PPFIBP2: variants seen among roughly 807,000 people sequenced by gnomAD.
The protein encoded by PPFIBP2 is PPFIB scaffold protein 2.
Under a neutral mutation model 118.3 loss-of-function variants are expected in PPFIBP2, and 118 were observed. The observed-to-expected ratio is 1.00, with a 90% confidence interval of 0.86 to 1.16. The LOEUF is 1.16. Ranked by LOEUF, PPFIBP2 falls within the 50% of genes most tolerant of loss-of-function variation. The pLI is 0.00. For synonymous variants in PPFIBP2, 414 were observed against 397.4 expected, an observed-to-expected ratio of 1.04 and a Z score of -0.50; for missense variants, 1,195 against 1,073.1, an observed-to-expected ratio of 1.11 and a Z score of -1.59.
rs748630301 is a variant in PPFIBP2 at position 7,610,319 on chromosome 11, C to A, written c.515C>A (p.Thr172Asn). ...QELLSRTSLE[T>N]QKLDLMTEVS... ...CTGCTAAGCCGCACATCTCTTGAGA[C>A]CCAGAAGCTCGATCTGATGACTGAA... The change falls in exon 6 of 24, where the codon ACC (threonine) becomes AAC (asparagine). Residue 172 changes from threonine to asparagine, a missense_variant. By Grantham distance (65) the Thr-to-Asn change is moderately conservative. Coordinates refer to ENST00000299492, the MANE Select transcript of PPFIBP2 (RefSeq NM_003621.5). 13 of 1,614,124 alleles carry A rather than the reference C, an allele frequency of 8.1e-6. No individual in the cohort carries two copies. Among genetic ancestry groups the A allele is most frequent in the Non-Finnish European group, 1.1e-5 (13 of 1,179,954 alleles).
At chr11:7,531,142 T>A (rs1410410026) in intron 1 of PPFIBP2, among the ~76,000 whole-genome samples, 2 of 152,130 alleles carry the variant, frequency 1.3e-5, no homozygotes, top group African/African-American at 2.4e-5. Context: ...GCAGGAACAC[T>A]TGTGCAAGTG....
intron 1 of PPFIBP2, among the ~76,000 whole-genome samples, chr11:7,515,227 G>A (rs1849130738): frequency 6.6e-6 from 1 of 152,094 alleles, no homozygotes. Flanking sequence ...TGGGAGATGG[G>A]GATGATTGAT....
intron 6 of PPFIBP2, among the ~76,000 whole-genome samples, chr11:7,615,284 C>T (rs539465199): frequency 3.3e-5 from 5 of 149,720 alleles, no homozygotes; most frequent in South Asian, 4.2e-4. Flanking sequence ...TGCAGTGAGC[C>T]GAGATCGTGC....
chr11:7,550,944 G>T (rs1852907109), intron 2 of PPFIBP2, among the ~76,000 whole-genome samples: 1 of 152,108 alleles, frequency 6.6e-6, no homozygotes, highest in African/African-American at 2.4e-5. Context: ...GACTCAGACT[G>T]GCTTCCCTGC....
At chr11:7,664,110 C>T in the PPFIBP2 span, among the ~76,000 whole-genome samples, 46,114 of 152,150 alleles carry the variant, frequency 0.3, 8,447 homozygotes, top group Non-Finnish European at 0.41. Context: ...CCGTCTTCTG[C>T]GTCGCTCACG....
intron 6 of PPFIBP2, among the ~76,000 whole-genome samples, chr11:7,617,463 C>T (rs1158535567): frequency 1.3e-5 from 2 of 152,126 alleles, no homozygotes; most frequent in Non-Finnish European, 2.9e-5. Flanking sequence ...GTGAGGTGAG[C>T]TCAGTGACCC....
At chr11:7,577,614 C>G in intron 3 of PPFIBP2, 1 of 456,414 alleles carries the variant, frequency 2.2e-6, no homozygotes, top group Non-Finnish European at 4.4e-6. Flanking sequence ...TTGATGTTTA[C>G]AAGCATTTCT....
At chr11:7,643,328 A>C (rs181089775) in intron 17 of PPFIBP2, among the ~76,000 whole-genome samples, 13 of 152,322 alleles carry the variant, frequency 8.5e-5, no homozygotes, top group African/African-American at 3.1e-4. Context: ...TGACTCTAGA[A>C]GGGGAATCAT....
chr11:7,525,478 A>G (rs1223175360), intron 1 of PPFIBP2, among the ~76,000 whole-genome samples: 2 of 152,208 alleles, frequency 1.3e-5, no homozygotes, highest in African/African-American at 4.8e-5. Flanking sequence ...TCAGGTGGGA[A>G]GTTGCATGCT....
chr11:7,586,696 AGAGAAGGTGGTCCCTTGGG>A (rs1858266868), intron 3 of PPFIBP2, among the ~76,000 whole-genome samples: 1 of 152,208 alleles, frequency 6.6e-6, no homozygotes. Flanking sequence ...CTCTTTCTGC[AGAGAAGGTGGTCCCTTGGG>A]GAGGAGGATG....
the PPFIBP2 span, chr11:7,665,207 C>G: frequency 5.4e-6 from 3 of 554,760 alleles, no homozygotes; most frequent in Non-Finnish European, 9.2e-6. Context: ...GTCTCCAGCC[C>G]CTTGAGCCCT....
chr11:7,623,213 C>A (rs1849566512), intron 7 of PPFIBP2, among the ~76,000 whole-genome samples: 1 of 151,974 alleles, frequency 6.6e-6, no homozygotes, highest in Non-Finnish European at 1.5e-5. Flanking sequence ...CTGCTTCAGG[C>A]CTCTCAGTCT....
intron 3 of PPFIBP2, 123 bp downstream of exon 3, chr11:7,565,890 A>G: frequency 9.2e-7 from 1 of 1,081,638 alleles, no homozygotes; most frequent in Middle Eastern, 3.1e-4. Context: ...CTTCCATCCC[A>G]CTTTGGCCAA....
At chr11:7,651,055 G>GA (rs1427070719) in intron 22 of PPFIBP2, 90 bp downstream of exon 22, 109 of 1,345,206 alleles carry the variant, frequency 8.1e-5, no homozygotes, top group East Asian at 1.4e-4. Context: ...AAAAGCTAAC[G>GA]AAAAAAAATA....
At position 7,597,551 on chromosome 11, in the gene PPFIBP2, C is replaced by A. The variant is rs1250297366; in HGVS notation, c.373-9C>A. On this transcript the variant is annotated splice_polypyrimidine_tract_variant and intron_variant, in intron 4 of 23. Transcript: ENST00000299492. Reference sequence around the variant, plus strand: ...TGGTCCTCCACCATTGCTTTATTTCCTGGAACAGGTGAGTGTCCTCACAGA... The same window carrying A: ...TGGTCCTCCACCATTGCTTTATTTCATGGAACAGGTGAGTGTCCTCACAGA... 1 of 1,611,502 alleles carries A rather than the reference C, an allele frequency of 6.2e-7. No homozygotes were observed. The highest frequency in any genetic ancestry group is 8.5e-7 in the Non-Finnish European group (1 of 1,178,248).
intron 5 of PPFIBP2, among the ~76,000 whole-genome samples, chr11:7,602,087 C>CAAAAAAAAA (rs201003988): frequency 5.3e-5 from 3 of 56,200 alleles, no homozygotes; most frequent in Non-Finnish European, 1.1e-4. Context: ...GAATGAAACT[C>CAAAAAAAAA]AAAAAAAAAA....
At chr11:7,576,654 G>A (rs1242904660) in intron 3 of PPFIBP2, 1 of 152,390 alleles carries the variant, frequency 6.6e-6, no homozygotes, top group Admixed American at 6.5e-5. Context: ...GACAGCCAGA[G>A]AGGCAGGACC....
intron 11 of PPFIBP2, chr11:7,631,266 C>G (rs1023641593): frequency 6.7e-6 from 3 of 444,714 alleles, no homozygotes; most frequent in Non-Finnish European, 1.2e-5. Flanking sequence ...TAGGAGTTCT[C>G]CTTTTTAATC....
chr11:7,587,397 T>C (rs1479218562), intron 3 of PPFIBP2, among the ~76,000 whole-genome samples: 1 of 152,242 alleles, frequency 6.6e-6, no homozygotes, highest in African/African-American at 2.4e-5. Context: ...TATATCCAAA[T>C]AGCAGGAATT....
Sources: allele counts gnomAD v4.1 joint callset (sites outside exome capture counted in the v4.1 genomes callset), GRCh38; gene constraint gnomAD v4.1.1; transcripts MANE v1.5; gene names NCBI Gene and HGNC (gene_info 2026-07-23, HGNC 2026-07-21).